The following PDSS2 variants were observed in gnomAD, a reference collection of about 807,000 sequenced individuals.
The protein encoded by PDSS2 is all trans-polyprenyl-diphosphate synthase PDSS2.
A neutral mutation model predicts 44.5 loss-of-function variants in PDSS2; 31 were observed. The observed-to-expected ratio is 0.70, with a 90% confidence interval of 0.52 to 0.94. PDSS2 has a LOEUF of 0.94. PDSS2 is among the 40% of genes least tolerant of loss of function. The pLI is 0.00. For synonymous variants in PDSS2, 157 were observed against 180.3 expected, an observed-to-expected ratio of 0.87 and a Z score of 1.03; for missense variants, 452 against 482.2, an observed-to-expected ratio of 0.94 and a Z score of 0.59.
At chr6:107,333,001 A>T (rs1777760514) in intron 2 of PDSS2, among the ~76,000 whole-genome samples, 1 of 152,214 alleles carries the variant, frequency 6.6e-6, no homozygotes, top group Admixed American at 6.5e-5. Flanking sequence ...ATGAGGAAGG[A>T]TCATTGAATT....
intron 1 of PDSS2, among the ~76,000 whole-genome samples, chr6:107,353,537 C>G (rs914335803): frequency 1.3e-5 from 2 of 152,068 alleles, no homozygotes; most frequent in African/African-American, 2.4e-5. Flanking sequence ...TACATTACAA[C>G]TGCCTTTGCT....
chr6:107,301,192 A>G (rs1776682728), intron 2 of PDSS2, among the ~76,000 whole-genome samples: 1 of 152,176 alleles, frequency 6.6e-6, no homozygotes, highest in Admixed American at 6.5e-5. Context: ...GTGTGTATAT[A>G]TTACTCCTTT....
chr6:107,399,708 A>G (rs1056614009), intron 1 of PDSS2, among the ~76,000 whole-genome samples: 2 of 152,198 alleles, frequency 1.3e-5, no homozygotes, highest in African/African-American at 4.8e-5. Flanking sequence ...TGAAAAAATG[A>G]TAATAGATAA....
chr6:107,291,798 A>C (rs892043855), intron 2 of PDSS2, among the ~76,000 whole-genome samples: 1 of 151,910 alleles, frequency 6.6e-6, no homozygotes, highest in Non-Finnish European at 1.5e-5. Flanking sequence ...GGACTGTTTG[A>C]GCCCAGGAGT....
intron 1 of PDSS2, among the ~76,000 whole-genome samples, chr6:107,444,947 T>C (rs1171262639): frequency 2.0e-5 from 3 of 151,986 alleles, no homozygotes; most frequent in African/African-American, 7.2e-5. Flanking sequence ...GCAAAAGGAG[T>C]ATTTAAACAA....
At chr6:107,334,068 A>G in intron 2 of PDSS2, 130 bp downstream of exon 2, 1 of 872,572 alleles carries the variant, frequency 1.1e-6, no homozygotes, top group Non-Finnish European at 1.8e-6. Context: ...ATAAAAATCC[A>G]TTTTTAACCT....
chr6:107,281,661 CT>C (rs1775964141), intron 2 of PDSS2, among the ~76,000 whole-genome samples: 1 of 152,152 alleles, frequency 6.6e-6, no homozygotes. Flanking sequence ...TGTCTAAAGA[CT>C]TTTTAATAAT....
At chr6:107,311,783 C>G (rs960722827) in intron 2 of PDSS2, among the ~76,000 whole-genome samples, 2 of 152,168 alleles carry the variant, frequency 1.3e-5, no homozygotes, top group African/African-American at 4.8e-5. Flanking sequence ...GCTTGACTGT[C>G]CTTACCATAT....
intron 1 of PDSS2, among the ~76,000 whole-genome samples, chr6:107,449,507 ACTACT>A (rs927800391): frequency 1.3e-5 from 2 of 152,136 alleles, no homozygotes; most frequent in African/African-American, 4.8e-5. Context: ...TCTAAATTTG[ACTACT>A]CTAGACACTT....
intron 1 of PDSS2, among the ~76,000 whole-genome samples, chr6:107,391,421 A>C (rs1018207761): frequency 1.3e-5 from 2 of 152,136 alleles, no homozygotes; most frequent in Non-Finnish European, 2.9e-5. Flanking sequence ...GTCTACTGTA[A>C]GTATAAGGAC....
At chr6:107,381,299 C>G (rs1341613572) in intron 1 of PDSS2, among the ~76,000 whole-genome samples, 1 of 152,138 alleles carries the variant, frequency 6.6e-6, no homozygotes, top group Non-Finnish European at 1.5e-5. Context: ...TCAATTGAGA[C>G]AGAAAATAGT....
At chr6:107,289,947 AT>A (rs201284650) in intron 2 of PDSS2, among the ~76,000 whole-genome samples, 2 of 152,012 alleles carry the variant, frequency 1.3e-5, no homozygotes, top group African/African-American at 4.8e-5. Flanking sequence ...AGCCTGGCTA[AT>A]TTTTTTTTAA....
rs1399444721 is a variant in PDSS2 at position 107,375,200 on chromosome 6, C to T, written c.297-40868G>A. On this transcript the variant is annotated intron_variant, in intron 1 of 7. Transcript: ENST00000369037. ...GAAACCAGAAAAAGAGCGTAATAAA[C>T]CCTAAAAAAAGCAGAAGGAAAAATA... is the stretch of plus-strand genomic sequence containing the variant. Among the ~76,000 whole-genome samples the T allele has an allele frequency of 2.0e-5, 3 of 151,234 alleles. No homozygotes were observed. In the South Asian group the frequency reaches 6.3e-4, roughly 32 times the overall value.
intron 1 of PDSS2, among the ~76,000 whole-genome samples, chr6:107,360,464 T>C (rs1379433079): frequency 6.6e-6 from 1 of 152,188 alleles, no homozygotes; most frequent in East Asian, 1.9e-4. Flanking sequence ...GTGAGTTGGC[T>C]TGGGATCAAA....
At chr6:107,265,045 A>G (rs1174271494) in intron 3 of PDSS2, among the ~76,000 whole-genome samples, 1 of 152,220 alleles carries the variant, frequency 6.6e-6, no homozygotes, top group Non-Finnish European at 1.5e-5. Flanking sequence ...CTTGAATTCA[A>G]AATCTTGTTA....
At chr6:107,457,804 T>C (rs547890525) in intron 1 of PDSS2, among the ~76,000 whole-genome samples, 4 of 152,278 alleles carry the variant, frequency 2.6e-5, no homozygotes, top group African/African-American at 4.8e-5. Flanking sequence ...ATTAACAAAA[T>C]TGAAATTAAA....
At chr6:107,336,638 C>T (rs1387812045) in intron 1 of PDSS2, among the ~76,000 whole-genome samples, 1 of 151,770 alleles carries the variant, frequency 6.6e-6, no homozygotes, top group African/African-American at 2.4e-5. Flanking sequence ...TATTACAGAA[C>T]ACAAAAATGT....
At chr6:107,271,198 A>G (rs754407109) in intron 3 of PDSS2, among the ~76,000 whole-genome samples, 18 of 152,180 alleles carry the variant, frequency 1.2e-4, no homozygotes, top group Non-Finnish European at 2.1e-4. Flanking sequence ...TGGTTGGTAA[A>G]TGTCAACAAA....
chr6:107,165,289 T>A (rs1370344584), intron 7 of PDSS2, among the ~76,000 whole-genome samples: 2 of 152,252 alleles, frequency 1.3e-5, no homozygotes, highest in Non-Finnish European at 2.9e-5. Context: ...AGGGTTTTTA[T>A]GGTTTTAGGT....
Sources: gnomAD v4.1 joint callset for allele counts (sites outside exome capture counted in the v4.1 genomes callset) on GRCh38, gnomAD v4.1.1 for gene constraint, MANE v1.5 for transcripts, NCBI Gene and HGNC (gene_info 2026-07-23, HGNC 2026-07-21) for gene names.